RIMS1: variants seen among roughly 807,000 people sequenced by gnomAD.
The protein encoded by RIMS1 is regulating synaptic membrane exocytosis 1, also known as regulating synaptic membrane exocytosis protein 1.
In RIMS1, 83 loss-of-function variants were observed where a neutral mutation model predicts 214.1. That is an observed-to-expected ratio of 0.39 (90% CI 0.32 to 0.47). The LOEUF is 0.47. RIMS1 is among the 20% of genes least tolerant of loss of function. RIMS1 has a pLI of 0.99. For synonymous variants in RIMS1, 793 were observed against 786.8 expected, an observed-to-expected ratio of 1.01 and a Z score of -0.13; for missense variants, 2,050 against 2,161.8, an observed-to-expected ratio of 0.95 and a Z score of 1.03.
chr6:72,136,644 C>A (rs2041326088), intron 4 of RIMS1, among the ~76,000 whole-genome samples: 1 of 152,046 alleles, frequency 6.6e-6, no homozygotes, highest in Admixed American at 6.6e-5. Context: ...CTAAAATAAT[C>A]ACTCCAAAAT....
In RIMS1 at chr6:72,375,798, T is replaced by G. The variant is rs545045791; in HGVS notation, c.4367-14800T>G. ...TATGGCCTGTAGGGGATCTCTGCAG[T>G]TTTTGCTGGCTTGCTCCTTGGGAGC... is the stretch of plus-strand genomic sequence containing the variant. On this transcript the variant is annotated intron_variant, in intron 29 of 33. Transcript: ENST00000521978. 9.2e-5 allele frequency among the ~76,000 whole-genome samples: 14 copies of G among 151,652 alleles called. No homozygotes were observed. The South Asian group carries it at 1.7e-3, about 18-fold the overall frequency.
chr6:72,032,277 A>G (rs1368189104), intron 2 of RIMS1, among the ~76,000 whole-genome samples: 1 of 152,154 alleles, frequency 6.6e-6, no homozygotes, highest in Non-Finnish European at 1.5e-5. Flanking sequence ...CTAAAAATAC[A>G]GCAAGAACTG....
chr6:71,948,503 A>T (rs1004678286), intron 1 of RIMS1, among the ~76,000 whole-genome samples: 1 of 152,192 alleles, frequency 6.6e-6, no homozygotes, highest in African/African-American at 2.4e-5. Context: ...TATAGAACAG[A>T]GCCCCTGCCT....
chr6:72,107,550 G>A (rs929639581), intron 4 of RIMS1, among the ~76,000 whole-genome samples: 3 of 152,060 alleles, frequency 2.0e-5, no homozygotes, highest in Non-Finnish European at 4.4e-5. Context: ...AACAGAGTAA[G>A]ACTCCATCTC....
intron 1 of RIMS1, among the ~76,000 whole-genome samples, chr6:71,930,096 T>A (rs892308378): frequency 2.0e-5 from 3 of 152,052 alleles, no homozygotes; most frequent in African/African-American, 7.2e-5. Flanking sequence ...AATATGTATG[T>A]GTAAAAAAGA....
At chr6:72,109,346 C>A (rs9360529) in intron 4 of RIMS1, among the ~76,000 whole-genome samples, 148,537 of 149,260 alleles carry the variant, frequency 1, 73,913 homozygotes, top group Middle Eastern at 1. Flanking sequence ...ATTTCTCCAC[C>A]TCCTCTCCAG....
chr6:71,931,634 C>A (rs577895293), intron 1 of RIMS1, among the ~76,000 whole-genome samples: 1 of 151,458 alleles, frequency 6.6e-6, no homozygotes, highest in South Asian at 2.1e-4. Flanking sequence ...TCCTTATAGA[C>A]CCTGGATATT....
chr6:71,969,145 G>GAATAA, intron 2 of RIMS1, 82 bp downstream of exon 2: 12 of 1,314,614 alleles, frequency 9.1e-6, no homozygotes, highest in African/African-American at 1.4e-5. Flanking sequence ...CATTGCATGT[G>GAATAA]AGAGTAGATA....
chr6:71,946,735 T>G (rs1202292586), intron 1 of RIMS1, among the ~76,000 whole-genome samples: 1 of 151,950 alleles, frequency 6.6e-6, no homozygotes, highest in Non-Finnish European at 1.5e-5. Flanking sequence ...AAATAATTTT[T>G]GGGTATGACC....
intron 1 of RIMS1, among the ~76,000 whole-genome samples, chr6:71,966,978 A>G (rs753905259): frequency 1.2e-4 from 19 of 152,324 alleles, no homozygotes; most frequent in Non-Finnish European, 2.6e-4. Context: ...TTGTATGAAT[A>G]CCTAAGACTT....
chr6:71,898,894 T>C (rs1376177214), intron 1 of RIMS1, among the ~76,000 whole-genome samples: 1 of 152,158 alleles, frequency 6.6e-6, no homozygotes. Context: ...TTGGTTCCAT[T>C]TTAACTACCA....
chr6:72,091,439 G>A (rs1264025240), intron 2 of RIMS1, among the ~76,000 whole-genome samples: 1 of 152,080 alleles, frequency 6.6e-6, no homozygotes, highest in Non-Finnish European at 1.5e-5. Context: ...TGATTTACTT[G>A]TTCAACAAAT....
chr6:72,134,811 C>T (rs543155880), intron 4 of RIMS1, among the ~76,000 whole-genome samples: 11 of 152,010 alleles, frequency 7.2e-5, no homozygotes, highest in African/African-American at 2.7e-4. Context: ...TACATTCTCC[C>T]TCATCTCAAG....
At chr6:72,316,754 C>T (rs2095823142) in intron 28 of RIMS1, 2 of 674,164 alleles carry the variant, frequency 3.0e-6, no homozygotes, top group South Asian at 2.8e-5. Context: ...TTTCAGAGGC[C>T]ACTCCCTAGT....
chr6:72,380,680 C>T (rs903423545), intron 29 of RIMS1, among the ~76,000 whole-genome samples: 1 of 152,062 alleles, frequency 6.6e-6, no homozygotes, highest in Non-Finnish European at 1.5e-5. Context: ...TTTCAGTATA[C>T]TCGTGTAATA....
At chr6:72,056,640 G>A (rs530171851) in intron 2 of RIMS1, among the ~76,000 whole-genome samples, 1 of 152,102 alleles carries the variant, frequency 6.6e-6, no homozygotes, top group South Asian at 2.1e-4. Context: ...AGCCCTATGA[G>A]TGCTGCATTT....
At chr6:72,345,046 C>T (rs1325849364) in intron 29 of RIMS1, among the ~76,000 whole-genome samples, 1 of 151,710 alleles carries the variant, frequency 6.6e-6, no homozygotes, top group Non-Finnish European at 1.5e-5. Flanking sequence ...TTTAACTATA[C>T]TAAGATGATT....
intron 2 of RIMS1, among the ~76,000 whole-genome samples, chr6:71,969,763 C>T (rs1007590083): frequency 6.6e-6 from 1 of 152,130 alleles, no homozygotes; most frequent in Non-Finnish European, 1.5e-5. Context: ...AAGCCAAGAT[C>T]GTGCCACTGT....
In RIMS1 at chr6:72,400,760, T is replaced by A. The variant is rs1403436549; in HGVS notation, c.*46T>A. ...TCCAATAAAACTCTACTTTTCAGGA[T>A]AATAATCTGAACCAGATATTTCATG... On this transcript the variant is annotated 3_prime_UTR_variant, in exon 34 of 34. Transcript: ENST00000521978. 1.4e-6 allele frequency: 2 copies of A among 1,408,250 alleles called. No homozygotes were observed. Among genetic ancestry groups the A allele is most frequent in the Non-Finnish European group, 2.0e-6 (2 of 1,006,770 alleles). 87.2% of individuals were successfully genotyped at this position (1,408,250 alleles called of 1,614,324 possible). A position where few individuals can be genotyped will look rare whatever the true frequency, so the allele number is the denominator to read the frequency against.
Sources: allele counts gnomAD v4.1 joint callset (sites outside exome capture counted in the v4.1 genomes callset), GRCh38; gene constraint gnomAD v4.1.1; transcripts MANE v1.5; gene names NCBI Gene and HGNC (gene_info 2026-07-23, HGNC 2026-07-21).